The following NEK1 variants were observed in gnomAD, a reference collection of about 807,000 sequenced individuals.
NEK1 encodes the protein serine/threonine-protein kinase Nek1.
Under a neutral mutation model 182.1 loss-of-function variants are expected in NEK1, and 137 were observed. The observed-to-expected ratio is 0.75, with a 90% CI of 0.65 to 0.87. The LOEUF (loss-of-function observed/expected upper bound fraction) is 0.87, where lower values mean the gene tolerates loss of function less well. NEK1 is among the 40% of genes least tolerant of loss of function. NEK1 has a pLI of 0.00. For synonymous variants in NEK1, 513 were observed against 492.2 expected, an observed-to-expected ratio of 1.04 and a Z score of -0.56; for missense variants, 1,391 against 1,494.4, an observed-to-expected ratio of 0.93 and a Z score of 1.14.
At position 169,571,153 on chromosome 4, in the gene NEK1, A is replaced by G. The variant is rs1165047761; in HGVS notation, c.1020+5775T>C. Among the ~76,000 whole-genome samples, 3 of 151,120 alleles carry G rather than the reference A, an allele frequency of 2.0e-5. No homozygotes were observed. The East Asian group carries it at 5.8e-4, about 29-fold the overall frequency. On this transcript the variant is annotated intron_variant, in intron 12 of 35. Coordinates refer to ENST00000507142, the MANE Select transcript of NEK1 (RefSeq NM_001199397.3). ...TGACCCTGCCAAATCCCCCTCTGCG[A>G]GAAACACCCAAGAATGATCAATAAA...
chr4:169,578,440 T>C (rs1352014201), intron 11 of NEK1, among the ~76,000 whole-genome samples: 2 of 152,196 alleles, frequency 1.3e-5, no homozygotes, highest in Non-Finnish European at 2.9e-5. Flanking sequence ...CTTCCAGAAG[T>C]GTTCTTACTT....
chr4:169,554,692 T>A (rs1761916366), intron 18 of NEK1: 1 of 152,092 alleles, frequency 6.6e-6, no homozygotes. Context: ...GCACAGGGGA[T>A]TTTGAAGGCA....
chr4:169,569,467 CCTCCCTCTCTCCCTCT>C (rs201240082), intron 12 of NEK1, among the ~76,000 whole-genome samples: 2 of 118,220 alleles, frequency 1.7e-5, no homozygotes, highest in African/African-American at 4.1e-5. Context: ...TCTCTCCCTC[CCTCCCTCTCTCCCTCT>C]CTCCCTCTCC....
chr4:169,546,043 A>C (rs1561386554), intron 18 of NEK1, among the ~76,000 whole-genome samples: 2 of 151,932 alleles, frequency 1.3e-5, no homozygotes, highest in Admixed American at 1.3e-4. Context: ...GCTACCAATG[A>C]CTTTCTTCTC....
chr4:169,484,022 TGA>T, intron 23 of NEK1, among the ~76,000 whole-genome samples: 1 of 152,338 alleles, frequency 6.6e-6, no homozygotes, highest in Middle Eastern at 3.4e-3. Flanking sequence ...TTTCATACAC[TGA>T]GAGAATAAAA....
chr4:169,540,692 A>G (rs1759262546), intron 18 of NEK1, among the ~76,000 whole-genome samples: 1 of 152,116 alleles, frequency 6.6e-6, no homozygotes, highest in Admixed American at 6.6e-5. Flanking sequence ...CCGATTAAGG[A>G]TAAGAGGATG....
At chr4:169,544,417 T>C (rs1398769441) in intron 18 of NEK1, among the ~76,000 whole-genome samples, 4 of 152,058 alleles carry the variant, frequency 2.6e-5, no homozygotes, top group African/African-American at 7.2e-5. Flanking sequence ...GGGATATTGG[T>C]CTAAAATTCT....
At chr4:169,397,252 A>T (rs1335239969) in intron 35 of NEK1, among the ~76,000 whole-genome samples, 1 of 151,476 alleles carries the variant, frequency 6.6e-6, no homozygotes, top group Non-Finnish European at 1.5e-5. Context: ...CCAACAAAAA[A>T]CTCCCCAAAT....
intron 30 of NEK1, 28 bp from the exon 31 acceptor site, chr4:169,424,828 T>C (rs1736093608): frequency 2.5e-6 from 4 of 1,590,036 alleles, no homozygotes; most frequent in African/African-American, 1.3e-5. Flanking sequence ...GATTATGTGG[T>C]AAGTCTATAC....
chr4:169,585,601 G>T, intron 9 of NEK1, 52 bp from the exon 10 acceptor site: 1 of 1,136,430 alleles, frequency 8.8e-7, no homozygotes, highest in Non-Finnish European at 1.3e-6. Flanking sequence ...AATTGAAACT[G>T]AGAATATCGG....
At chr4:169,414,594 A>G (rs1734212758) in intron 31 of NEK1, among the ~76,000 whole-genome samples, 2 of 152,198 alleles carry the variant, frequency 1.3e-5, no homozygotes, top group Admixed American at 1.3e-4. Flanking sequence ...CCAGGCTGCA[A>G]TTAGGTCAAC....
chr4:169,506,828 C>T (rs1753335033), intron 23 of NEK1: 1 of 290,698 alleles, frequency 3.4e-6, no homozygotes. Flanking sequence ...AATCAATCTC[C>T]CAAATAACTT....
At chr4:169,590,321 T>TAGACAGACAGACAGACAGACAGACAGAC (rs11270666) in intron 6 of NEK1, among the ~76,000 whole-genome samples, 2 of 150,928 alleles carry the variant, frequency 1.3e-5, no homozygotes, top group Admixed American at 6.6e-5. Context: ...AAACAATAGA[T>TAGACAGACAGACAGACAGACAGACAGAC]AGACAGACAG....
intron 27 of NEK1, among the ~76,000 whole-genome samples, chr4:169,448,367 T>C (rs1476329050): frequency 6.6e-6 from 1 of 152,218 alleles, no homozygotes; most frequent in Non-Finnish European, 1.5e-5. Flanking sequence ...GCAATCACTG[T>C]TGTCATCAGT....
intron 29 of NEK1, among the ~76,000 whole-genome samples, chr4:169,432,886 G>A (rs1356219553): frequency 6.6e-6 from 1 of 152,088 alleles, no homozygotes; most frequent in Non-Finnish European, 1.5e-5. Flanking sequence ...TGATTCTCCT[G>A]CCTCAGCCTC....
At chr4:169,513,966 G>GTTAGTTATTTATTTATTTATTTAT (rs1554054599) in intron 19 of NEK1, among the ~76,000 whole-genome samples, 1 of 144,542 alleles carries the variant, frequency 6.9e-6, no homozygotes, top group African/African-American at 2.6e-5. Flanking sequence ...GAGGATTTTT[G>GTTAGTTATTTATTTATTTATTTAT]TTATTTATTT....
At chr4:169,537,939 C>A in intron 18 of NEK1, 28 bp from the exon 19 acceptor site, 1 of 1,455,452 alleles carries the variant, frequency 6.9e-7, no homozygotes, top group Non-Finnish European at 9.4e-7. Context: ...CAAAGTCAGC[C>A]ATCCTGAACA....
chr4:169,421,948 T>A (rs867815348), intron 31 of NEK1, among the ~76,000 whole-genome samples: 4 of 152,162 alleles, frequency 2.6e-5, no homozygotes, highest in African/African-American at 9.7e-5. Context: ...ACACACATTA[T>A]TTTTAAGAAA....
chr4:169,414,196 G>A (rs4554029), intron 31 of NEK1, among the ~76,000 whole-genome samples: 133,482 of 152,184 alleles, frequency 0.88, 58,658 homozygotes, highest in Middle Eastern at 0.94. Context: ...ATTAATAATT[G>A]TGAACAATGC....
Sources: allele counts gnomAD v4.1 joint callset (sites outside exome capture counted in the v4.1 genomes callset), GRCh38; gene constraint gnomAD v4.1.1; transcripts MANE v1.5; gene names NCBI Gene and HGNC (gene_info 2026-07-23, HGNC 2026-07-21).